UBE4A: variants seen among roughly 807,000 people sequenced by gnomAD.
UBE4A encodes ubiquitination factor E4A.
UBE4A carries 48 observed loss-of-function variants against 117.9 expected under a neutral mutation model. The observed-to-expected ratio is 0.41, with a 90% CI of 0.32 to 0.52. The LOEUF (loss-of-function observed/expected upper bound fraction) is 0.52. Among genes scored for constraint, UBE4A ranks in the 20% least tolerant of loss-of-function variants. The pLI, the probability that UBE4A is intolerant of heterozygous loss-of-function variation, is 0.33. For synonymous variants in UBE4A, 407 were observed against 450.0 expected (o/e 0.90, Z 1.21); for missense variants, 1,067 against 1,296.3 (o/e 0.82, Z 2.72).
intron 11 of UBE4A, 152 bp from the exon 12 acceptor site, chr11:118,381,239 C>A: frequency 1.1e-6 from 1 of 871,462 alleles, no homozygotes; most frequent in Non-Finnish European, 1.7e-6. Flanking sequence ...GGAGATTTTA[C>A]ATTTATTGAC....
chr11:118,368,501 C>A, intron 2 of UBE4A, 130 bp from the exon 3 acceptor site: 1 of 1,052,630 alleles, frequency 9.5e-7, no homozygotes, highest in South Asian at 1.6e-5. Flanking sequence ...TTGAGATGTT[C>A]ACTAATTAGA....
rs1555126532 is a variant in UBE4A, at chr11:118,382,696, A to T, written c.2117A>T (p.Lys706Ile). The stretch of plus-strand genomic sequence containing the variant: ...TTGGTATCCAGTGTGTTCCACCGGA[A>T]ACGTGTGTTCTGCAACTTTCAGTAT... ...NPLVSSVFHR[K>I]RVFCNFQYAP... Residue 706 changes from lysine to isoleucine, a missense_variant, in exon 13 of 20, where the codon AAA (lysine) becomes ATA (isoleucine). Coordinates refer to ENST00000252108, the MANE Select transcript of UBE4A (RefSeq NM_001204077.2). 2 of 1,606,306 alleles carry T rather than the reference A, an allele frequency of 1.2e-6. No individual in the cohort carries two copies. Among genetic ancestry groups the T allele is most frequent in the Non-Finnish European group, 1.7e-6 (2 of 1,175,930 alleles).
At chr11:118,389,648 T>C in intron 16 of UBE4A, 77 bp from the exon 17 acceptor site, 1 of 1,296,620 alleles carries the variant, frequency 7.7e-7, no homozygotes, top group African/African-American at 1.5e-5. Flanking sequence ...TTCCCAGAGG[T>C]CTCCAAATAA....
At chr11:118,394,161 T>G (rs146845810) in intron 19 of UBE4A, among the ~76,000 whole-genome samples, 3 of 152,132 alleles carry the variant, frequency 2.0e-5, no homozygotes, top group African/African-American at 7.2e-5. Flanking sequence ...ATATATTTAT[T>G]TATCTATTTT....
At chr11:118,387,329 A>G (rs1948768791) in intron 16 of UBE4A, among the ~76,000 whole-genome samples, 1 of 152,238 alleles carries the variant, frequency 6.6e-6, no homozygotes, top group African/African-American at 2.4e-5. Context: ...GAGGCAATGA[A>G]AGAGATTATT....
At position 118,397,423 on chromosome 11, in the gene UBE4A, A is replaced by G. The variant is rs1363235589; in HGVS notation, c.*983A>G. The G allele has an allele frequency of 6.6e-6, 1 of 152,244 alleles. No individual in the cohort carries two copies. Among genetic ancestry groups the G allele is most frequent in the Admixed American group, 6.5e-5 (1 of 15,286 alleles). 9.4% of individuals were successfully genotyped at this position (152,244 alleles called of 1,614,324 possible). A position where few individuals can be genotyped will look rare whatever the true frequency, so the allele number is the denominator to read the frequency against. ...TCATTCTTCACAAAATTCTGAGATTATAAAATGTATATAGTTAATATTTGT... is the reference window on the plus strand; with the variant it reads ...TCATTCTTCACAAAATTCTGAGATTGTAAAATGTATATAGTTAATATTTGT... On this transcript the variant is annotated 3_prime_UTR_variant, in exon 20 of 20. Transcript: ENST00000252108.
intron 12 of UBE4A, 81 bp downstream of exon 12, chr11:118,381,604 C>T (rs1948706326): frequency 1.9e-6 from 3 of 1,545,960 alleles, no homozygotes; most frequent in East Asian, 2.3e-5. Context: ...AATAAACAAG[C>T]CTGAATCATA....
At chr11:118,383,796 G>T (rs538803831) in intron 13 of UBE4A, among the ~76,000 whole-genome samples, 1 of 151,920 alleles carries the variant, frequency 6.6e-6, no homozygotes, top group African/African-American at 2.4e-5. Context: ...TTTACTGGCC[G>T]CCTTTCCATA....
At chr11:118,366,061 TAAAA>T (rs5795123) in intron 2 of UBE4A, among the ~76,000 whole-genome samples, 1 of 143,388 alleles carries the variant, frequency 7.0e-6, no homozygotes, top group Non-Finnish European at 1.5e-5. Context: ...TTTGTTTATT[TAAAA>T]AAAAAAAAAA....
chr11:118,396,504 C>T lies in UBE4A; in HGVS notation c.*64C>T. Reference sequence around the variant, plus strand: ...GCAGATAAACAATTGTTTGTGGTTTCTCTCTTTCTGGTTCTGTTCCTTTTC... The same window carrying T: ...GCAGATAAACAATTGTTTGTGGTTTTTCTCTTTCTGGTTCTGTTCCTTTTC... On this transcript the variant is annotated 3_prime_UTR_variant, in exon 20 of 20. Coordinates refer to ENST00000252108, the MANE Select transcript of UBE4A (RefSeq NM_001204077.2). 6.6e-7 allele frequency: 1 copy of T among 1,510,138 alleles called. No homozygotes were observed. The highest frequency in any genetic ancestry group is 8.9e-7 in the Non-Finnish European group (1 of 1,126,252). 93.5% of individuals were successfully genotyped at this position (1,510,138 alleles called of 1,614,324 possible).
In UBE4A at chr11:118,396,407, A is replaced by G; in HGVS notation, c.3168A>G (p.Ala1056=). ...AAGAAAAAATCCAACGGTGGCTTGC[A>G]GAGAGGAAACAACAAAAGGAGCAAC... ...ELKEKIQRWL[A]ERKQQKEQLE The change falls in exon 20 of 20, where the codon GCA becomes GCG. Residue 1056 remains alanine (A), a synonymous_variant. Transcript: ENST00000252108. The G allele has an allele frequency of 6.2e-7, 1 of 1,614,056 alleles. No homozygotes were observed. Among genetic ancestry groups the G allele is most frequent in the Non-Finnish European group, 8.5e-7 (1 of 1,179,948 alleles).
intron 3 of UBE4A, 121 bp from the exon 4 acceptor site, chr11:118,369,302 C>T (rs1948589506): frequency 3.0e-6 from 2 of 670,912 alleles, no homozygotes. Context: ...CTTTGTGTAT[C>T]AGGATCATTC....
In UBE4A at chr11:118,368,602, A is replaced by AACATTT. The variant is rs770939967; in HGVS notation, c.122-27_122-22dup. 5.0e-6 allele frequency: 8 copies of AACATTT among 1,611,042 alleles called. No individual in the cohort carries two copies. In the African/African-American group the frequency reaches 8.0e-5, roughly 16 times the overall value. ...GCTTGGTTCTCTCTTAAAGGGGTGT[A>AACATTT]ACATTTAACAGTATACATTTTCTGG... On this transcript the variant is annotated intron_variant, in intron 2 of 19. Coordinates refer to ENST00000252108, the MANE Select transcript of UBE4A (RefSeq NM_001204077.2).
chr11:118,390,493 ATATT>A (rs1328292405), intron 17 of UBE4A, among the ~76,000 whole-genome samples, 160 bp from the exon 18 acceptor site: 2 of 101,868 alleles, frequency 2.0e-5, no homozygotes, highest in East Asian at 7.9e-4. Flanking sequence ...TAATAAAATA[ATATT>A]TATATATTAT....
rs150965289 is a variant in UBE4A at position 118,368,600 on chromosome 11, G to A, written c.122-31G>A. On this transcript the variant is annotated intron_variant, in intron 2 of 19. Transcript: ENST00000252108. ...ATGCTTGGTTCTCTCTTAAAGGGGT[G>A]TAACATTTAACAGTATACATTTTCT... 61 of 1,610,454 alleles carry A rather than the reference G, an allele frequency of 3.8e-5. 1 individual carries two copies. The South Asian group carries it at 4.5e-4, about 12-fold the overall frequency.
chr11:118,373,197 G>C lies in UBE4A; in HGVS notation c.833G>C (p.Gly278Ala), dbSNP rs144396349. 342 of 1,613,786 alleles carry C rather than the reference G, an allele frequency of 2.1e-4. 1 individual carries two copies. The highest frequency in any genetic ancestry group is 2.8e-4 in the Non-Finnish European group (330 of 1,180,000). Residue 278 changes from glycine (G) to alanine (A), a missense_variant, in exon 7 of 20, where the codon GGC (glycine) becomes GCC (alanine). Gly to Ala is a moderately conservative substitution (Grantham distance 60). Transcript: ENST00000252108. ...VMIPVFDILL[G>A]RIKDLELCQI... Reference sequence around the variant, plus strand: ...ATTCCAGTGTTTGATATTTTATTGGGCCGAATAAAAGATCTAGAGCTCTGT... The same window carrying C: ...ATTCCAGTGTTTGATATTTTATTGGCCCGAATAAAAGATCTAGAGCTCTGT...
At chr11:118,369,667 C>T (rs1370315162) in intron 4 of UBE4A, 132 bp downstream of exon 4, 4 of 596,248 alleles carry the variant, frequency 6.7e-6, no homozygotes, top group African/African-American at 6.1e-5. Context: ...TTTTTTTTTA[C>T]CAGTAGAAGG....
intron 7 of UBE4A, 41 bp from the exon 8 acceptor site, chr11:118,373,453 C>A: frequency 6.3e-7 from 1 of 1,583,960 alleles, no homozygotes; most frequent in South Asian, 1.2e-5. Flanking sequence ...CACCTTATCT[C>A]ACCATGAAGA....
At chr11:118,378,119 C>T (rs1438563028) in intron 10 of UBE4A, among the ~76,000 whole-genome samples, 2 of 151,354 alleles carry the variant, frequency 1.3e-5, no homozygotes, top group African/African-American at 4.9e-5. Context: ...TGGTGGTACG[C>T]GCCTGTAGTC....
Sources: gnomAD v4.1 joint callset for allele counts (sites outside exome capture counted in the v4.1 genomes callset) on GRCh38, gnomAD v4.1.1 for gene constraint, MANE v1.5 for transcripts, NCBI Gene and HGNC (gene_info 2026-07-23, HGNC 2026-07-21) for gene names.